The following MORC4 variants were observed in gnomAD, a reference collection of about 807,000 sequenced individuals.
MORC4 encodes MORC family CW-type zinc finger protein 4.
A neutral mutation model predicts 65.5 loss-of-function variants in MORC4; 22 were observed. The ratio of observed to expected loss-of-function variants is 0.34; its 90% confidence interval spans 0.24 to 0.48. The LOEUF is 0.48. Among genes scored for constraint, MORC4 ranks in the 20% least tolerant of loss-of-function variants. The pLI, the probability that MORC4 is intolerant of heterozygous loss-of-function variation, is 0.99. For synonymous variants in MORC4, 267 were observed against 255.8 expected (o/e 1.04, Z -0.42); for missense variants, 624 against 703.0 (o/e 0.89, Z 1.27).
chrX:106,961,967 T>A (rs771701782), intron 10 of MORC4, 45 bp downstream of exon 10: 3 of 1,018,176 alleles, frequency 2.9e-6, no homozygotes, highest in Non-Finnish European at 4.1e-6. Flanking sequence ...ATTTGATCTA[T>A]GGATATTACC....
At chrX:106,958,279 A>ACT in intron 11 of MORC4, 57 bp downstream of exon 11, 1 of 1,097,069 alleles carries the variant, frequency 9.1e-7, no homozygotes. Flanking sequence ...AATGTTTTAG[A>ACT]CTATAGAGAT....
Position 106,956,980 on chromosome X carries a change from T to C in MORC4, c.1410A>G (p.Gln470=), listed in dbSNP as rs1934123416. ...AGCACAGGTCTTCATCAGTGAGTTC[T>C]TGTTCCTCTGGAACAGAGCATCTCC... The part of the protein sequence containing the change: ...KYRRCSVPEE[Q]ELTDEDLCLS... Residue 470 remains glutamine, a synonymous_variant, in exon 12 of 17, where the codon CAA becomes CAG. Coordinates refer to ENST00000355610, the MANE Select transcript of MORC4 (RefSeq NM_024657.5). The C allele has an allele frequency of 2.5e-6, 3 of 1,199,626 alleles. No homozygotes were observed. Among genetic ancestry groups the C allele is most frequent in the East Asian group, 3.0e-5 (1 of 33,675 alleles).
intron 5 of MORC4, among the ~76,000 whole-genome samples, chrX:106,983,447 A>G (rs1934789260): frequency 9.0e-6 from 1 of 111,682 alleles, no homozygotes; most frequent in African/African-American, 3.3e-5. Context: ...TACTTCACCT[A>G]AGGAGAAAAG....
rs35077497 is a variant in MORC4 at position 106,945,414 on chromosome X, T to TTGTGTGTGTG, written c.1686-2219_1686-2210dup. Reference sequence around the variant, plus strand: ...TTATTAAAATGCATCACTTACTACTTTGTGTGTGTGTGTGTGTGTGTGTGT... The same window carrying TTGTGTGTGTG: ...TTATTAAAATGCATCACTTACTACTTTGTGTGTGTGTGTGTGTGTGTGTGTGTGTGTGTGT... On this transcript the variant is annotated intron_variant, in intron 14 of 16. Transcript: ENST00000355610. 6.9e-3 allele frequency among the ~76,000 whole-genome samples: 575 copies of TTGTGTGTGTG among 83,241 alleles called. 7 individuals are homozygous for TTGTGTGTGTG. Among genetic ancestry groups the TTGTGTGTGTG allele is most frequent in the Middle Eastern group, 0.013 (2 of 153 alleles). 72.3% of individuals were successfully genotyped at this position (83,241 alleles called of 115,157 possible).
At chrX:106,959,508 T>C (rs181135552) in intron 10 of MORC4, among the ~76,000 whole-genome samples, 4 of 111,919 alleles carry the variant, frequency 3.6e-5, no homozygotes, top group Non-Finnish European at 7.5e-5. Flanking sequence ...TCTTAACATC[T>C]TAAATTGTGC....
intron 14 of MORC4, among the ~76,000 whole-genome samples, chrX:106,943,726 T>G (rs1023464267): frequency 8.9e-6 from 1 of 112,664 alleles, no homozygotes; most frequent in Non-Finnish European, 1.9e-5. Context: ...ACCAGCCCAC[T>G]GGATTGTGGC....
chrX:106,977,176 CACACTT>C (rs1934642997), intron 8 of MORC4, among the ~76,000 whole-genome samples: 1 of 111,773 alleles, frequency 8.9e-6, no homozygotes, highest in Non-Finnish European at 1.9e-5. Flanking sequence ...ACTAAAGAGT[CACACTT>C]ACAGCAATTA....
chrX:106,953,358 C>T (rs1228056369), intron 14 of MORC4, among the ~76,000 whole-genome samples: 1 of 111,978 alleles, frequency 8.9e-6, no homozygotes, highest in East Asian at 2.8e-4. Flanking sequence ...AGACACCTGA[C>T]ACTCCAGCAG....
intron 3 of MORC4, among the ~76,000 whole-genome samples, chrX:106,992,194 C>T (rs1037071605): frequency 8.9e-6 from 1 of 112,027 alleles, no homozygotes. Context: ...AGTGGTAAAA[C>T]GCAACCATTT....
At position 106,990,137 on chromosome X, in the gene MORC4, C is replaced by T. The variant is rs769881171; in HGVS notation, c.308+3093G>A. ...CCAGGAGGCGGAGGTTGCAGTGAGC[C>T]GAGATCGCGCCACTGCACTCCAGCC... On this transcript the variant is annotated intron_variant, in intron 3 of 16. Transcript: ENST00000355610. Among the ~76,000 whole-genome samples, 104 of 106,675 alleles carry T rather than the reference C, an allele frequency of 9.7e-4. 1 individual carries two copies. The highest frequency in any genetic ancestry group is 1.4e-3 in the Non-Finnish European group (72 of 51,605). 92.6% of individuals were successfully genotyped at this position (106,675 alleles called of 115,157 possible).
At chrX:106,959,654 C>T (rs1391147699) in intron 10 of MORC4, among the ~76,000 whole-genome samples, 1 of 111,163 alleles carries the variant, frequency 9.0e-6, no homozygotes, top group African/African-American at 3.3e-5. Flanking sequence ...CCTCCCACCT[C>T]AGCCTCCCAG....
intron 13 of MORC4, among the ~76,000 whole-genome samples, 164 bp downstream of exon 13, chrX:106,956,316 A>T (rs896191339): frequency 5.3e-5 from 6 of 112,431 alleles, no homozygotes; most frequent in African/African-American, 1.9e-4. Flanking sequence ...AACATCAGTG[A>T]CAGCAGAGCA....
chrX:106,984,765 G>A (rs368211248), intron 5 of MORC4, among the ~76,000 whole-genome samples: 1 of 109,246 alleles, frequency 9.2e-6, no homozygotes, highest in Admixed American at 9.8e-5. Context: ...ATGAGCCACC[G>A]CACCCGGCCA....
rs1211995285 is a variant in MORC4 at position 106,942,698 on chromosome X, C to T, written c.2193G>A (p.Val731=). 8.3e-7 allele frequency: 1 copy of T among 1,211,604 alleles called. No individual in the cohort carries two copies. The highest frequency in any genetic ancestry group is 1.7e-5 in the African/African-American group (1 of 57,772). ...RRKAVESWNP[V]PYSVASAAIP... Reference sequence around the variant, plus strand: ...TTGCAGCAGAGGCCACAGAATAAGGCACTGGGTTCCAGGATTCAACTGCTT... The same window carrying T: ...TTGCAGCAGAGGCCACAGAATAAGGTACTGGGTTCCAGGATTCAACTGCTT... Residue 731 remains valine, a synonymous_variant, in exon 15 of 17, where the codon GTG becomes GTA. Transcript: ENST00000355610.
At chrX:106,955,183 C>T in intron 13 of MORC4, 95 bp from the exon 14 acceptor site, 1 of 653,038 alleles carries the variant, frequency 1.5e-6, no homozygotes, top group Admixed American at 3.8e-5. Context: ...GAATGCTTGG[C>T]CAAATAAAAA....
In MORC4 at chrX:106,965,108, T is replaced by C. The variant is rs185431355; in HGVS notation, c.1158-2998A>G. ...ACTCCTCATTTTGTTTTCTACGCAA[T>C]TTAAAAGGCTAATCCATTACAAATT... On this transcript the variant is annotated intron_variant, in intron 9 of 16. Coordinates refer to ENST00000355610, the MANE Select transcript of MORC4 (RefSeq NM_024657.5). Among the ~76,000 whole-genome samples, 55 of 112,240 alleles carry C rather than the reference T, an allele frequency of 4.9e-4. No homozygotes were observed. The Middle Eastern group carries it at 0.014, about 28-fold the overall frequency.
chrX:106,966,696 T>C (rs1201015852), intron 9 of MORC4, among the ~76,000 whole-genome samples: 1 of 112,977 alleles, frequency 8.9e-6, no homozygotes, highest in Non-Finnish European at 1.9e-5. Flanking sequence ...CGCAGCAGTC[T>C]GAAATCGACC....
At chrX:106,995,351 GC>G (rs2147828909) in intron 2 of MORC4, among the ~76,000 whole-genome samples, 1 of 111,783 alleles carries the variant, frequency 8.9e-6, no homozygotes, top group African/African-American at 3.2e-5. Flanking sequence ...AAACACTGGA[GC>G]CTCCCGGTCA....
At chrX:106,993,670 T>C (rs1312073399) in intron 2 of MORC4, among the ~76,000 whole-genome samples, 3 of 112,341 alleles carry the variant, frequency 2.7e-5, no homozygotes, top group Non-Finnish European at 5.6e-5. Context: ...ACAAAGCATT[T>C]TGCTCCATTT....
Sources: allele counts gnomAD v4.1 joint callset (sites outside exome capture counted in the v4.1 genomes callset), GRCh38; gene constraint gnomAD v4.1.1; transcripts MANE v1.5; gene names NCBI Gene and HGNC (gene_info 2026-07-23, HGNC 2026-07-21).